Variants in SPEG observed in about 807,000 individuals in gnomAD.
SPEG encodes striated muscle preferentially expressed protein kinase.
Under a neutral mutation model 300.4 loss-of-function variants are expected in SPEG, and 114 were observed. That is an observed-to-expected ratio of 0.38 (90% CI 0.33 to 0.44). The LOEUF (loss-of-function observed/expected upper bound fraction) is 0.44, where lower values mean the gene tolerates loss of function less well. Ranked by LOEUF, SPEG falls within the 20% of genes least tolerant of loss-of-function variation. The probability of loss-of-function intolerance (pLI) is 1.00; values close to 1 mark genes in which losing one functional copy is unlikely to be tolerated. For missense variants in SPEG, 4,201 were observed against 4,586.2 expected, an observed-to-expected ratio of 0.92 and a Z score of 2.43; for synonymous variants, 1,964 against 2,018.9, an observed-to-expected ratio of 0.97 and a Z score of 0.73.
At position 219,480,234 on chromosome 2, in the gene SPEG, G is replaced by T; in HGVS notation, c.5342+94G>T. ...ACTGGCAGGGAGATTTACCGAGCCT[G>T]AATTCCTCCTGAAGGTGGGCTGGAG... is the stretch of plus-strand genomic sequence containing the variant. On this transcript the variant is annotated intron_variant, in intron 25 of 40. Transcript: ENST00000312358. This position sits in a 1 kb window ranked among gnomAD's most constrained non-coding sequence, Gnocchi z 5.3. The T allele has an allele frequency of 7.3e-7, 1 of 1,368,372 alleles. No individual in the cohort carries two copies. Among genetic ancestry groups the T allele is most frequent in the Non-Finnish European group, 1.0e-6 (1 of 985,440 alleles). 84.8% of individuals were successfully genotyped at this position (1,368,372 alleles called of 1,614,324 possible). A position where few individuals can be genotyped will look rare whatever the true frequency, so the allele number is the denominator to read the frequency against.
intron 36 of SPEG, 131 bp downstream of exon 36, chr2:219,490,070 T>A (rs1473502551): frequency 9.2e-7 from 1 of 1,086,490 alleles, no homozygotes; most frequent in Non-Finnish European, 1.3e-6. Flanking sequence ...GTTATTAGAA[T>A]GATTGCGTTC....
rs770032694 is a variant in SPEG at position 219,490,595 on chromosome 2, G to A, written c.9108G>A (p.Val3036=). Residue 3036 remains valine, a synonymous_variant, in exon 37 of 41, where the codon GTG becomes GTA. Transcript: ENST00000312358. ...HEAYITPRYL[V]LIAESCGNRE... ...CCTACATCACCCCTCGGTACCTCGTGCTCATTGCTGAGAGCTGTGGCAACC... is the reference window on the plus strand; with the variant it reads ...CCTACATCACCCCTCGGTACCTCGTACTCATTGCTGAGAGCTGTGGCAACC... 1.4e-5 allele frequency: 22 copies of A among 1,613,814 alleles called. No homozygotes were observed. The highest frequency in any genetic ancestry group is 1.8e-5 in the Non-Finnish European group (21 of 1,179,710).
chr2:219,484,086 C>T lies in SPEG; in HGVS notation c.6623C>T (p.Pro2208Leu). The change falls in exon 30 of 41, where the codon CCC becomes CTC. Residue 2208 changes from proline to leucine, a missense_variant. Physicochemically the swap from Pro to Leu is moderately conservative, Grantham distance 98. Around this residue, in one of 4 missense-constraint regions of SPEG, gnomAD observed 1,578 missense variants for 1,506.0 expected, o/e 1.05. Coordinates refer to ENST00000312358, the MANE Select transcript of SPEG (RefSeq NM_005876.5). Reference sequence around the variant, plus strand: ...AGTGATGCTCCGCAGCCCCCCGCACCCCAGCCTGCCCAAGACAAGGCTCCA... The same window carrying T: ...AGTGATGCTCCGCAGCCCCCCGCACTCCAGCCTGCCCAAGACAAGGCTCCA... ...TPSDAPQPPA[P>L]QPAQDKAPEP... The T allele has an allele frequency of 1.2e-6, 2 of 1,613,720 alleles. No homozygotes were observed. Among genetic ancestry groups the T allele is most frequent in the Non-Finnish European group, 1.7e-6 (2 of 1,179,964 alleles).
chr2:219,469,464 C>G (rs2125469388), intron 13 of SPEG, 85 bp downstream of exon 13: 1 of 1,121,744 alleles, frequency 8.9e-7, no homozygotes, highest in East Asian at 2.6e-5. Context: ...CAGCTCTCCC[C>G]AGGCCTTTCC....
rs2125586850 is a variant in SPEG at position 219,488,585 on chromosome 2, A to G, written c.7946A>G (p.Lys2649Arg). ...CTGCTCAGCATCCCCCGGGCGGGCAAGCGGCACGCCGGTCTCTATGAGTGC... is the reference window on the plus strand; with the variant it reads ...CTGCTCAGCATCCCCCGGGCGGGCAGGCGGCACGCCGGTCTCTATGAGTGC... ...RQLLSIPRAG[K>R]RHAGLYECSA... The change falls in exon 33 of 41, where the codon AAG becomes AGG. Residue 2649 changes from lysine to arginine, a missense_variant. By Grantham distance (26) the Lys-to-Arg change is conservative. Transcript: ENST00000312358. 3 of 1,612,348 alleles carry G rather than the reference A, an allele frequency of 1.9e-6. No homozygotes were observed. The highest frequency in any genetic ancestry group is 1.7e-4 in the Middle Eastern group (1 of 6,058).
Position 219,477,007 on chromosome 2 carries a change from C to T in SPEG, c.4560+25C>T, listed in dbSNP as rs765229333. On this transcript the variant is annotated intron_variant, in intron 19 of 40. Coordinates refer to ENST00000312358, the MANE Select transcript of SPEG (RefSeq NM_005876.5). The surrounding 1 kb of genome is among the most constrained non-coding windows in gnomAD (Gnocchi z 6.4). ...GGTCAGAGTGTGCTGCTGGCTGAGC[C>T]TGGGGGAGGGAGGAGGGGCTCCCTG... 1 of 1,544,742 alleles carries T rather than the reference C, an allele frequency of 6.5e-7. No individual in the cohort carries two copies. The highest frequency in any genetic ancestry group is 1.7e-5 in the Admixed American group (1 of 57,226).
rs538755793 is a variant in SPEG, at chr2:219,451,967, T to C, written c.2440+160T>C. 6.6e-6 allele frequency among the ~76,000 whole-genome samples: 1 copy of C among 152,280 alleles called. No homozygotes were observed. The highest frequency in any genetic ancestry group is 1.9e-4 in the East Asian group (1 of 5,176). On this transcript the variant is annotated intron_variant, in intron 6 of 40. Transcript: ENST00000312358. This position sits in a 1 kb window ranked among gnomAD's most constrained non-coding sequence, Gnocchi z 6.4. ...CCCTTCTGGGTGTCGGCAGCTTTGG[T>C]GAAAGCGTTTTAAATGGCCCTGGCC...
Position 219,461,917 on chromosome 2 carries a change from T to C in SPEG, c.2476T>C (p.Ser826Pro). Residue 826 changes from serine (S) to proline (P), a missense_variant, in exon 7 of 41, where the codon TCC (serine) becomes CCC (proline). Ser to Pro is a moderately conservative substitution (Grantham distance 74). Transcript: ENST00000312358. ...STSPFSSPITSDEEYLSPPEE... is the reference protein window; with the variant it reads ...STSPFSSPITPDEEYLSPPEE... ...ATCCCCTTTCAGCAGCCCCATCACCTCCGACGAGGAATACCTGAGCCCCCC... is the reference window on the plus strand; with the variant it reads ...ATCCCCTTTCAGCAGCCCCATCACCCCCGACGAGGAATACCTGAGCCCCCC... 6.2e-7 allele frequency: 1 copy of C among 1,613,716 alleles called. No homozygotes were observed. The highest frequency in any genetic ancestry group is 8.5e-7 in the Non-Finnish European group (1 of 1,179,872).
In SPEG at chr2:219,448,253, G is replaced by C. The variant is rs753596271; in HGVS notation, c.1095G>C (p.Leu365=). 9 of 1,612,188 alleles carry C rather than the reference G, an allele frequency of 5.6e-6. No individual in the cohort carries two copies. In the South Asian group the frequency reaches 8.8e-5, roughly 16 times the overall value. ...GKKSKSSGPS[L]AGTAESRPQT... ...AGTCCAAGTCGTCCGGGCCCTCCCT[G>C]GCGGGCACCGCGGAATCCCGACCCC... is the stretch of plus-strand genomic sequence containing the variant. Residue 365 remains leucine, a synonymous_variant, in exon 4 of 41, where the codon CTG becomes CTC. Transcript: ENST00000312358.
In SPEG at chr2:219,443,551, A is replaced by G. The variant is rs1689073122; in HGVS notation, c.389-1102A>G. ...AGGAACCTTTTCTCCTAACCTAACC[A>G]CTGGGCATTTTTGAGGACGATTCAA... On this transcript the variant is annotated intron_variant, in intron 1 of 40. Coordinates refer to ENST00000312358, the MANE Select transcript of SPEG (RefSeq NM_005876.5). The surrounding 1 kb of genome is among the most constrained non-coding windows in gnomAD (Gnocchi z 4.6). 2 of 286,958 alleles carry G rather than the reference A, an allele frequency of 7.0e-6. No individual in the cohort carries two copies. The highest frequency in any genetic ancestry group is 1.4e-5 in the Non-Finnish European group (2 of 147,372). The allele number at this position is 286,958 out of a possible 1,614,324, so 17.8% of individuals were successfully genotyped here.
Position 219,477,947 on chromosome 2 carries a change from C to G in SPEG, c.4869C>G (p.Ser1623=), listed in dbSNP as rs369092148. ...SYLRRIVERS[S]GLEFAAKFIP... ...TGCGGCGCATAGTGGAGCGTAGCTCCGGCCTGGAGTTTGCGGCCAAGTTCA... is the reference window on the plus strand; with the variant it reads ...TGCGGCGCATAGTGGAGCGTAGCTCGGGCCTGGAGTTTGCGGCCAAGTTCA... The change falls in exon 22 of 41, where the codon TCC becomes TCG. Residue 1623 remains serine (S), a synonymous_variant. Transcript: ENST00000312358. The surrounding 1 kb of genome is among the most constrained non-coding windows in gnomAD (Gnocchi z 6.4). The G allele has an allele frequency of 1.9e-6, 3 of 1,614,190 alleles. No homozygotes were observed. The highest frequency in any genetic ancestry group is 2.5e-6 in the Non-Finnish European group (3 of 1,180,046).
chr2:219,446,529 ACC>A (rs1366857369), intron 3 of SPEG, among the ~76,000 whole-genome samples: 1 of 151,792 alleles, frequency 6.6e-6, no homozygotes, highest in Non-Finnish European at 1.5e-5. Context: ...CATTGCCACC[ACC>A]CCTTTTAGCC....
chr2:219,491,936 C>T, intron 39 of SPEG, 67 bp downstream of exon 39: 1 of 1,426,022 alleles, frequency 7.0e-7, no homozygotes, highest in Non-Finnish European at 9.5e-7. Context: ...TCACCTTCTG[C>T]CAACACCCTC....
At chr2:219,478,669 C>G (rs1043213837) in intron 22 of SPEG, among the ~76,000 whole-genome samples, 2 of 152,098 alleles carry the variant, frequency 1.3e-5, no homozygotes, top group African/African-American at 4.8e-5. Flanking sequence ...GCAGGGTGAC[C>G]GTAACCTGCA....
In SPEG at chr2:219,448,174, C is replaced by T. The variant is rs1478059702; in HGVS notation, c.1016C>T (p.Thr339Ile). 1.2e-6 allele frequency: 2 copies of T among 1,611,884 alleles called. No individual in the cohort carries two copies. Among genetic ancestry groups the T allele is most frequent in the Non-Finnish European group, 1.7e-6 (2 of 1,179,434 alleles). The change falls in exon 4 of 41, where the codon ACT becomes ATT. Residue 339 changes from threonine to isoleucine, a missense_variant. Transcript: ENST00000312358. Reference protein sequence around the residue: ...AATPTSPHRRTQEPVLPEDTT... With the variant: ...AATPTSPHRRIQEPVLPEDTT... ...ACCCCCACGTCGCCCCACCGTCGCACTCAGGAGCCTGTGCTGCCCGAGGAC... is the reference window on the plus strand; with the variant it reads ...ACCCCCACGTCGCCCCACCGTCGCATTCAGGAGCCTGTGCTGCCCGAGGAC...
intron 10 of SPEG, 81 bp downstream of exon 10, chr2:219,467,515 C>T: frequency 6.7e-7 from 1 of 1,494,120 alleles, no homozygotes; most frequent in Non-Finnish European, 9.0e-7. Flanking sequence ...AGTAAGATGC[C>T]TGGGAAACAG....
At position 219,472,968 on chromosome 2, in the gene SPEG, G is replaced by C. The variant is rs34994343; in HGVS notation, c.4019G>C (p.Arg1340Pro). 1 of 1,613,788 alleles carries C rather than the reference G, an allele frequency of 6.2e-7. No homozygotes were observed. Among genetic ancestry groups the C allele is most frequent in the East Asian group, 2.2e-5 (1 of 44,880 alleles). Residue 1340 changes from arginine (R) to proline (P), a missense_variant, in exon 16 of 41, where the codon CGG becomes CCG. By Grantham distance (103) the Arg-to-Pro change is moderately radical (BLOSUM62 -2). This residue lies in a region of SPEG where 1,047 missense variants were observed against 1,356.8 expected (regional missense o/e 0.77). Transcript: ENST00000312358. ...TGGACGGCACTGGTCACAGGCCTGC[G>C]GGAGCCAGGGTGGGCAGCCACAGGG... ...DQWTALVTGLREPGWAATGLR... is the reference protein window; with the variant it reads ...DQWTALVTGLPEPGWAATGLR...
rs756056441 is a variant in SPEG at position 219,473,855 on chromosome 2, C to T, written c.4399C>T (p.Arg1467Ter). The T allele has an allele frequency of 2.5e-6, 4 of 1,613,600 alleles. No homozygotes were observed. Among genetic ancestry groups the T allele is most frequent in the Non-Finnish European group, 2.5e-6 (3 of 1,180,016 alleles). ...RDMGALTCTA[R>*]NRHGTQTCSV... ...CATGGGGGCCCTCACCTGCACCGCC[C>T]GAAACCGTCACGGCACACAGACCTG... Residue 1467 changes from arginine (R) to a stop codon, truncating the protein, a stop_gained, in exon 18 of 41, where the codon CGA becomes TGA. Coordinates refer to ENST00000312358, the MANE Select transcript of SPEG (RefSeq NM_005876.5). LOFTEE classifies it high-confidence loss of function. The surrounding 1 kb of genome is among the most constrained non-coding windows in gnomAD (Gnocchi z 4.6).
chr2:219,484,341 G>A lies in SPEG; in HGVS notation c.6878G>A (p.Arg2293His). The A allele has an allele frequency of 1.9e-6, 3 of 1,604,444 alleles. No homozygotes were observed. The highest frequency in any genetic ancestry group is 1.7e-4 in the Middle Eastern group (1 of 6,058). The part of the protein sequence containing the change: ...ASPPPGAPEK[R>H]VPSAGGPPVL... Reference sequence around the variant, plus strand: ...CCACCTCCGGGAGCCCCCGAGAAGCGCGTGCCCTCAGCCGGGGGTCCCCCG... The same window carrying A: ...CCACCTCCGGGAGCCCCCGAGAAGCACGTGCCCTCAGCCGGGGGTCCCCCG... The change falls in exon 30 of 41, where the codon CGC (arginine) becomes CAC (histidine). Residue 2293 changes from arginine (R) to histidine (H), a missense_variant. By Grantham distance (29) the Arg-to-His change is conservative. Transcript: ENST00000312358.
Sources: gnomAD v4.1 joint callset for allele counts (sites outside exome capture counted in the v4.1 genomes callset) on GRCh38, gnomAD v4.1.1 for gene constraint, gnomAD v4.1.1 regional missense constraint, Gnocchi (gnomAD v3.1) non-coding constraint, MANE v1.5 for transcripts, NCBI Gene and HGNC (gene_info 2026-07-23, HGNC 2026-07-21) for gene names.